The following DENND5A variants were observed in gnomAD, a reference collection of about 807,000 sequenced individuals.
DENND5A encodes DENN domain containing 5A.
A neutral mutation model predicts 140.3 loss-of-function variants in DENND5A; 64 were observed. The ratio of observed to expected loss-of-function variants is 0.46; its 90% confidence interval spans 0.37 to 0.56. DENND5A has a LOEUF of 0.56. DENND5A is among the 20% of genes least tolerant of loss of function. The pLI is 0.00. For synonymous variants in DENND5A, 605 were observed against 607.7 expected (o/e 1.00, Z 0.07); for missense variants, 1,292 against 1,593.8 (o/e 0.81, Z 3.22).
At chr11:9,186,411 A>T (rs1334952424) in intron 5 of DENND5A, among the ~76,000 whole-genome samples, 65 of 152,342 alleles carry the variant, frequency 4.3e-4, no homozygotes, top group Non-Finnish European at 1.5e-4. Context: ...TACACCTAAC[A>T]AAACAAGCCA....
At chr11:9,240,253 G>A (rs576985758) in intron 1 of DENND5A, among the ~76,000 whole-genome samples, 8 of 152,052 alleles carry the variant, frequency 5.3e-5, no homozygotes, top group Non-Finnish European at 1.2e-4. Flanking sequence ...AATTAACCAG[G>A]CGTTGTGGTG....
In DENND5A at chr11:9,265,004, G is replaced by A. The variant is rs1852381878; in HGVS notation, c.66C>T (p.Cys22=). The A allele has an allele frequency of 1.3e-6, 2 of 1,588,530 alleles. No homozygotes were observed. Among genetic ancestry groups the A allele is most frequent in the Non-Finnish European group, 1.7e-6 (2 of 1,169,796 alleles). The change falls in exon 1 of 23, where the codon TGC becomes TGT. Residue 22 remains cysteine (C), a synonymous_variant. Transcript: ENST00000328194. This position sits in a 1 kb window ranked among gnomAD's most constrained non-coding sequence, Gnocchi z 4.7. ...PSRFADYFVI[C]GLDTETGLEP... ...CCAGCCCGGTCTCCGTGTCCAGTCC[G>A]CAGATGACAAAGTAGTCGGCGAAGC...
At chr11:9,213,729 C>T (rs563052532) in intron 1 of DENND5A, among the ~76,000 whole-genome samples, 1 of 143,306 alleles carries the variant, frequency 7.0e-6, no homozygotes, top group East Asian at 2.1e-4. Context: ...ATCGCTTGAA[C>T]CCTGGAGATG....
chr11:9,179,144 A>C, intron 6 of DENND5A, 71 bp from the exon 7 acceptor site: 1 of 1,383,720 alleles, frequency 7.2e-7, no homozygotes. Context: ...GCAATTCCTG[A>C]TTTTTTTATC....
At chr11:9,156,844 G>C (rs1389405815) in intron 12 of DENND5A, among the ~76,000 whole-genome samples, 1 of 148,532 alleles carries the variant, frequency 6.7e-6, no homozygotes, top group Non-Finnish European at 1.5e-5. Flanking sequence ...AGGAGGGAAG[G>C]AGGGACAGAG....
intron 1 of DENND5A, among the ~76,000 whole-genome samples, chr11:9,244,956 C>T (rs1467043679): frequency 1.3e-5 from 2 of 150,296 alleles, no homozygotes; most frequent in African/African-American, 2.4e-5. Context: ...GGATTACAGG[C>T]GTGAGCCACC....
intron 5 of DENND5A, among the ~76,000 whole-genome samples, chr11:9,185,723 C>T (rs1273318331): frequency 2.0e-5 from 3 of 151,954 alleles, no homozygotes; most frequent in Non-Finnish European, 2.9e-5. Context: ...TGTCTCTGTA[C>T]GTGTCTGTGT....
In DENND5A at chr11:9,180,804, T is replaced by C; in HGVS notation, c.1418A>G (p.Gln473Arg). 3 of 1,614,206 alleles carry C rather than the reference T, an allele frequency of 1.9e-6. No homozygotes were observed. The highest frequency in any genetic ancestry group is 1.1e-5 in the South Asian group (1 of 91,088). ...CACCCCAGTTCTCTTGACCAAGGCT[T>C]GCAGCCGGGCAATAGTTTCATTCTC... ...LKENETIARL[Q>R]ALVKRTGVSL... Residue 473 changes from glutamine (Q) to arginine (R), a missense_variant, in exon 6 of 23, where the codon CAA (glutamine) becomes CGA (arginine). Gln to Arg is a conservative substitution (Grantham distance 43). This residue lies in a region of DENND5A where 566 missense variants were observed against 650.4 expected (regional missense o/e 0.87). Coordinates refer to ENST00000328194, the MANE Select transcript of DENND5A (RefSeq NM_015213.4).
intron 1 of DENND5A, among the ~76,000 whole-genome samples, chr11:9,232,235 T>C (rs1157260573): frequency 1.3e-5 from 2 of 152,082 alleles, no homozygotes; most frequent in Admixed American, 1.3e-4. Flanking sequence ...AACGTATAAA[T>C]TGTACATTAC....
At chr11:9,234,830 C>T (rs1850933594) in intron 1 of DENND5A, among the ~76,000 whole-genome samples, 2 of 152,198 alleles carry the variant, frequency 1.3e-5, no homozygotes, top group Admixed American at 1.3e-4. Flanking sequence ...CTATAACCTA[C>T]AGAAACAATG....
At chr11:9,149,535 TG>T (rs1847542131) in intron 15 of DENND5A, among the ~76,000 whole-genome samples, 1 of 152,164 alleles carries the variant, frequency 6.6e-6, no homozygotes, top group Admixed American at 6.5e-5. Flanking sequence ...ACCACGTTTC[TG>T]GGGAGTCCAG....
At chr11:9,208,162 G>A (rs1459681554) in intron 1 of DENND5A, among the ~76,000 whole-genome samples, 2 of 152,194 alleles carry the variant, frequency 1.3e-5, no homozygotes, top group African/African-American at 4.8e-5. Context: ...GTGAGGAATA[G>A]AGATGAACCA....
Position 9,249,583 on chromosome 11 carries a change from T to C in DENND5A, c.109+15378A>G, listed in dbSNP as rs184847556. ...ATTTTTTTGAGACAGAGTTTCGCTCTTGTTGCCCAAACTGGAGTGCAATGG... is the reference window on the plus strand; with the variant it reads ...ATTTTTTTGAGACAGAGTTTCGCTCCTGTTGCCCAAACTGGAGTGCAATGG... On this transcript the variant is annotated intron_variant, in intron 1 of 22. Coordinates refer to ENST00000328194, the MANE Select transcript of DENND5A (RefSeq NM_015213.4). Among the ~76,000 whole-genome samples the C allele has an allele frequency of 2.7e-3, 413 of 152,240 alleles. 3 individuals carry two copies. Among genetic ancestry groups the C allele is most frequent in the African/African-American group, 9.7e-3 (402 of 41,560 alleles).
At chr11:9,218,489 G>T (rs1850182685) in intron 1 of DENND5A, among the ~76,000 whole-genome samples, 2 of 152,256 alleles carry the variant, frequency 1.3e-5, no homozygotes, top group South Asian at 2.1e-4. Flanking sequence ...TCTTTGGGAG[G>T]CCGAGGGGAG....
At position 9,144,083 on chromosome 11, in the gene DENND5A, C is replaced by T; in HGVS notation, c.3304+14G>A. The T allele has an allele frequency of 1.2e-6, 2 of 1,610,558 alleles. No homozygotes were observed. Among genetic ancestry groups the T allele is most frequent in the Non-Finnish European group, 1.7e-6 (2 of 1,178,286 alleles). On this transcript the variant is annotated intron_variant, in intron 19 of 22. Transcript: ENST00000328194. ...ACTGTATGGCATGAGGGCCCAACCC[C>T]TCCTCCCACTTACTGGGCTTGTTGT...
chr11:9,163,097 C>G (rs1057504557), intron 11 of DENND5A, among the ~76,000 whole-genome samples: 6 of 152,142 alleles, frequency 3.9e-5, no homozygotes, highest in Non-Finnish European at 8.8e-5. Context: ...TAGCATTCCA[C>G]CACATGAATA....
intron 1 of DENND5A, among the ~76,000 whole-genome samples, chr11:9,246,257 A>G (rs1306972999): frequency 1.3e-5 from 2 of 152,176 alleles, no homozygotes; most frequent in Non-Finnish European, 2.9e-5. Flanking sequence ...TGTGTCCCTG[A>G]GCTGTCTTTC....
chr11:9,211,467 G>A (rs1338488990), intron 1 of DENND5A, among the ~76,000 whole-genome samples: 1 of 152,090 alleles, frequency 6.6e-6, no homozygotes, highest in African/African-American at 2.4e-5. Flanking sequence ...TCTGGAGGGA[G>A]GTAACAGAAT....
chr11:9,179,896 C>T (rs1164451670), intron 6 of DENND5A, among the ~76,000 whole-genome samples: 1 of 152,088 alleles, frequency 6.6e-6, no homozygotes, highest in Non-Finnish European at 1.5e-5. Flanking sequence ...AAAAAATCTG[C>T]TCCACTAAAG....
Sources: gnomAD v4.1 joint callset for allele counts (sites outside exome capture counted in the v4.1 genomes callset) on GRCh38, gnomAD v4.1.1 for gene constraint, gnomAD v4.1.1 regional missense constraint, Gnocchi (gnomAD v3.1) non-coding constraint, MANE v1.5 for transcripts, NCBI Gene and HGNC (gene_info 2026-07-23, HGNC 2026-07-21) for gene names.